The following HECW1 variants were observed in gnomAD, a reference collection of about 807,000 sequenced individuals.
HECW1 encodes the protein HECT, C2 and WW domain containing E3 ubiquitin protein ligase 1, also known as E3 ubiquitin-protein ligase HECW1.
A neutral mutation model predicts 182.3 loss-of-function variants in HECW1; 61 were observed. That is an observed-to-expected ratio of 0.33 (90% CI 0.27 to 0.41). HECW1 has a LOEUF of 0.41. Ranked by LOEUF, HECW1 falls within the 10% of genes least tolerant of loss-of-function variation. HECW1 has a pLI of 1.00. For missense variants in HECW1, 1,739 were observed against 2,108.9 expected, an observed-to-expected ratio of 0.82 and a Z score of 3.44; for synonymous variants, 859 against 832.6, an observed-to-expected ratio of 1.03 and a Z score of -0.55.
chr7:43,283,002 C>T (rs1804118990), intron 3 of HECW1, among the ~76,000 whole-genome samples: 2 of 152,046 alleles, frequency 1.3e-5, no homozygotes, highest in African/African-American at 4.8e-5. Context: ...GCTGTAATCC[C>T]AGCTACTCGG....
chr7:43,340,303 C>T (rs535667308), intron 5 of HECW1, among the ~76,000 whole-genome samples: 8 of 144,506 alleles, frequency 5.5e-5, no homozygotes, highest in African/African-American at 2.2e-4. Context: ...TCACTGCAAC[C>T]GCTGCCTCCC....
intron 11 of HECW1, among the ~76,000 whole-genome samples, chr7:43,448,314 A>T (rs1054504305): frequency 3.9e-5 from 6 of 152,228 alleles, no homozygotes; most frequent in African/African-American, 9.6e-5. Flanking sequence ...CCCTCTATAA[A>T]TACCTCCTTT....
intron 24 of HECW1, among the ~76,000 whole-genome samples, chr7:43,527,194 C>T (rs1323824662): frequency 2.0e-5 from 3 of 152,160 alleles, no homozygotes; most frequent in African/African-American, 7.2e-5. Flanking sequence ...ATTCCAAGAT[C>T]CTATGCTGAG....
rs1017243375 is a variant in HECW1, at chr7:43,481,279, A to G, written c.3234+1535A>G. 2.0e-5 allele frequency among the ~76,000 whole-genome samples: 3 copies of G among 152,228 alleles called. No individual in the cohort carries two copies. In the East Asian group the frequency reaches 5.8e-4, roughly 29 times the overall value. On this transcript the variant is annotated intron_variant, in intron 17 of 29. Transcript: ENST00000395891. ...GTACAAGGTGGGTTGTCTTGAGATT[A>G]TAGGGAATAAATTCAAAATTCTTCA...
At chr7:43,468,860 C>A in intron 15 of HECW1, 60 bp from the exon 16 acceptor site, 1 of 1,480,216 alleles carries the variant, frequency 6.8e-7, no homozygotes, top group Non-Finnish European at 9.4e-7. Flanking sequence ...TCATAGTGTG[C>A]TTGCTCTATG....
intron 17 of HECW1, among the ~76,000 whole-genome samples, chr7:43,489,780 A>G (rs191893991): frequency 2.0e-5 from 3 of 152,316 alleles, no homozygotes; most frequent in East Asian, 3.9e-4. Context: ...GTGGGAACCA[A>G]AGGAAAATCA....
intron 3 of HECW1, among the ~76,000 whole-genome samples, chr7:43,288,620 T>G (rs951846199): frequency 6.6e-6 from 1 of 152,158 alleles, no homozygotes; most frequent in Admixed American, 6.5e-5. Context: ...TGTCTCTGAG[T>G]GGAGCCTTTA....
Position 43,445,275 on chromosome 7 carries a change from G to GTGCTACAGCCCCTCC in HECW1, c.2111_2125dup (p.Ser704_Tyr708dup). ...ACAGCAGCTCGTGCTACAGCGCCTC[G>GTGCTACAGCCCCTCC]TGCTACAGCCCCTCCTGCTACAACG... On this transcript the variant is annotated inframe_insertion, in exon 11 of 30. Coordinates refer to ENST00000395891, the MANE Select transcript of HECW1 (RefSeq NM_015052.5). 1 of 1,612,856 alleles carries GTGCTACAGCCCCTCC rather than the reference G, an allele frequency of 6.2e-7. No homozygotes were observed. The highest frequency in any genetic ancestry group is 8.5e-7 in the Non-Finnish European group (1 of 1,179,198).
chr7:43,193,637 C>G (rs968407779), intron 2 of HECW1, among the ~76,000 whole-genome samples: 1 of 152,168 alleles, frequency 6.6e-6, no homozygotes, highest in African/African-American at 2.4e-5. Context: ...CCGACTCAGC[C>G]TCCCAAATTG....
chr7:43,186,697 A>C (rs1793441913), intron 2 of HECW1, among the ~76,000 whole-genome samples: 2 of 151,736 alleles, frequency 1.3e-5, no homozygotes, highest in African/African-American at 4.8e-5. Flanking sequence ...AAGGATTATC[A>C]TACCATAATT....
At chr7:43,375,406 C>T (rs966737476) in intron 6 of HECW1, among the ~76,000 whole-genome samples, 20 of 151,998 alleles carry the variant, frequency 1.3e-4, no homozygotes, top group Non-Finnish European at 1.8e-4. Context: ...GTCAAATATA[C>T]GATTTCAGGA....
Position 43,554,635 on chromosome 7 carries a change from G to A in HECW1, c.4554G>A (p.Ala1518=), listed in dbSNP as rs752091640. 57 of 1,613,610 alleles carry A rather than the reference G, an allele frequency of 3.5e-5. No individual in the cohort carries two copies. The highest frequency in any genetic ancestry group is 2.9e-4 in the South Asian group (26 of 90,888). ...TTGTGATCCGCTGGTTCTGGGCTGC[G>A]GTGGAGCGCTTCAATAATGAGCAGA... ...GHLVIRWFWA[A]VERFNNEQRL... Residue 1518 remains alanine (A), a synonymous_variant, in exon 29 of 30, where the codon GCG becomes GCA. Coordinates refer to ENST00000395891, the MANE Select transcript of HECW1 (RefSeq NM_015052.5).
intron 8 of HECW1, among the ~76,000 whole-genome samples, chr7:43,421,282 T>A (rs1266013633): frequency 1.1e-4 from 16 of 152,184 alleles, no homozygotes; most frequent in Admixed American, 6.5e-5. Flanking sequence ...ACATACACAG[T>A]CTATTCCAAA....
intron 3 of HECW1, among the ~76,000 whole-genome samples, chr7:43,265,848 T>C (rs931613205): frequency 5.3e-5 from 8 of 152,166 alleles, no homozygotes; most frequent in African/African-American, 1.7e-4. Context: ...TCAGGTTCAA[T>C]GATCTGCTAG....
rs2079481372 is a variant in HECW1 at position 43,504,140 on chromosome 7, C to T, written c.3631+2818C>T. Among the ~76,000 whole-genome samples, 4 of 152,208 alleles carry T rather than the reference C, an allele frequency of 2.6e-5. No individual in the cohort carries two copies. In the South Asian group the frequency reaches 8.3e-4, roughly 32 times the overall value. On this transcript the variant is annotated intron_variant, in intron 21 of 29. Transcript: ENST00000395891. ...GCCCCTGCCTTGTAGTCTTCCTCTC[C>T]TTCCCAAGCAGGTCCTTCCGTCCTC... is the stretch of plus-strand genomic sequence containing the variant.
At chr7:43,472,622 T>A (rs1235125174) in intron 16 of HECW1, among the ~76,000 whole-genome samples, 2 of 151,736 alleles carry the variant, frequency 1.3e-5, no homozygotes, top group Non-Finnish European at 2.9e-5. Flanking sequence ...AATATTAAAA[T>A]TAAAATGTTG....
intron 7 of HECW1, among the ~76,000 whole-genome samples, chr7:43,403,948 C>CA (rs2075515757): frequency 6.6e-6 from 1 of 151,944 alleles, no homozygotes; most frequent in East Asian, 1.9e-4. Flanking sequence ...AAAATACAGG[C>CA]AAAAATGAGA....
At chr7:43,157,378 T>C (rs1333034887) in intron 2 of HECW1, among the ~76,000 whole-genome samples, 1 of 152,190 alleles carries the variant, frequency 6.6e-6, no homozygotes, top group Non-Finnish European at 1.5e-5. Flanking sequence ...AAAAAAAAGT[T>C]TTTACATTTG....
chr7:43,168,610 T>C (rs1347540846), intron 2 of HECW1, among the ~76,000 whole-genome samples: 2 of 152,152 alleles, frequency 1.3e-5, no homozygotes, highest in East Asian at 3.9e-4. Flanking sequence ...CAGTAAGCTG[T>C]GATTGTACCA....
Sources: gnomAD v4.1 joint callset for allele counts (sites outside exome capture counted in the v4.1 genomes callset) on GRCh38, gnomAD v4.1.1 for gene constraint, MANE v1.5 for transcripts, NCBI Gene and HGNC (gene_info 2026-07-23, HGNC 2026-07-21) for gene names.